PYHIN1: variants seen among roughly 807,000 people sequenced by gnomAD.
PYHIN1 encodes pyrin and HIN domain-containing protein 1.
A neutral mutation model predicts 43.7 loss-of-function variants in PYHIN1; 32 were observed. The ratio of observed to expected loss-of-function variants is 0.73; its 90% confidence interval spans 0.55 to 0.98. The LOEUF is 0.98. Among genes scored for constraint, PYHIN1 ranks in the 50% least tolerant of loss-of-function variants. The pLI, the probability that PYHIN1 is intolerant of heterozygous loss-of-function variation, is 0.00. For synonymous variants in PYHIN1, 205 were observed against 203.1 expected, an observed-to-expected ratio of 1.01 and a Z score of -0.08; for missense variants, 588 against 589.5, an observed-to-expected ratio of 1.00 and a Z score of 0.03.
chr1:158,988,278 A>T, the PYHIN1 span, among the ~76,000 whole-genome samples: 1 of 152,188 alleles, frequency 6.6e-6, no homozygotes, highest in East Asian at 1.9e-4. Context: ...TTGGAATTGG[A>T]AAATTGGTAT....
intron 1 of PYHIN1, among the ~76,000 whole-genome samples, chr1:158,936,365 C>T (rs918421501): frequency 1.2e-4 from 18 of 151,672 alleles, no homozygotes; most frequent in African/African-American, 4.1e-4. Context: ...CCAGCTTCAT[C>T]ATCCTGATAC....
Position 158,942,191 on chromosome 1 carries a change from A to C in PYHIN1, c.794A>C (p.Lys265Thr). Reference protein sequence around the residue: ...LNINLKRKFIKKRIIIISNYS... With the variant: ...LNINLKRKFITKRIIIISNYS... ...ATCAACTTGAAGAGGAAATTCATTA[A>C]AAAGAGAATCATCATTATATCAAAT... is the stretch of plus-strand genomic sequence containing the variant. Residue 265 changes from lysine (K) to threonine (T), a missense_variant, in exon 5 of 9, where the codon AAA (lysine) becomes ACA (threonine). Transcript: ENST00000368140. 1 of 1,614,032 alleles carries C rather than the reference A, an allele frequency of 6.2e-7. No individual in the cohort carries two copies. Among genetic ancestry groups the C allele is most frequent in the Non-Finnish European group, 8.5e-7 (1 of 1,179,914 alleles).
chr1:158,954,772 G>A (rs976482679), intron 7 of PYHIN1, among the ~76,000 whole-genome samples: 188 of 150,810 alleles, frequency 1.2e-3, no homozygotes, highest in Non-Finnish European at 2.3e-3. Flanking sequence ...AAATGTAAAT[G>A]GACTAAATGC....
intron 7 of PYHIN1, among the ~76,000 whole-genome samples, chr1:158,946,547 T>TTAGATAGATAGATAGA (rs4053507): frequency 2.4e-4 from 35 of 148,542 alleles, no homozygotes; most frequent in African/African-American, 2.5e-4. Context: ...AGCACAGTGA[T>TTAGATAGATAGATAGA]TAGATAGATA....
chr1:158,959,763 G>A (rs771027266), intron 7 of PYHIN1, among the ~76,000 whole-genome samples: 1 of 152,312 alleles, frequency 6.6e-6, no homozygotes, highest in Non-Finnish European at 1.5e-5. Context: ...CTGGAGTGAA[G>A]GAGTGATTTT....
intron 5 of PYHIN1, 58 bp downstream of exon 5, chr1:158,942,457 C>G: frequency 7.3e-7 from 1 of 1,360,822 alleles, no homozygotes; most frequent in East Asian, 2.3e-5. Flanking sequence ...AATTAAAAGC[C>G]CTGATGTGCT....
intron 7 of PYHIN1, among the ~76,000 whole-genome samples, chr1:158,959,707 A>T (rs1255443374): frequency 1.3e-5 from 2 of 152,178 alleles, no homozygotes; most frequent in Non-Finnish European, 2.9e-5. Flanking sequence ...TCCTTCATTT[A>T]TGAGTTTCCT....
the PYHIN1 span, among the ~76,000 whole-genome samples, chr1:158,982,760 TC>T: frequency 0.019 from 2,957 of 152,322 alleles, 53 homozygotes; most frequent in Non-Finnish European, 0.029. Context: ...TATTGATTCT[TC>T]CTATCCATGA....
the PYHIN1 span, among the ~76,000 whole-genome samples, chr1:158,988,311 A>C: frequency 6.6e-6 from 1 of 152,176 alleles, no homozygotes; most frequent in Admixed American, 6.6e-5. Context: ...TGAGGTATAT[A>C]ATATAATGAG....
At chr1:158,974,976 G>T (rs1283770486) in intron 8 of PYHIN1, among the ~76,000 whole-genome samples, 2 of 152,072 alleles carry the variant, frequency 1.3e-5, no homozygotes, top group African/African-American at 2.4e-5. Context: ...GTTTGCCTAG[G>T]TTCTACCATT....
chr1:158,977,215 G>T (rs2793856), downstream of PYHIN1, among the ~76,000 whole-genome samples: 133,106 of 151,816 alleles, frequency 0.88, 59,839 homozygotes, highest in Middle Eastern at 0.98. Flanking sequence ...CCTGCCCAAA[G>T]AATCCAGACC....
At chr1:158,972,082 A>G (rs977350252) in intron 7 of PYHIN1, among the ~76,000 whole-genome samples, 1 of 152,068 alleles carries the variant, frequency 6.6e-6, no homozygotes, top group African/African-American at 2.4e-5. Flanking sequence ...TTAATCAGAA[A>G]AGTCGATCTT....
chr1:158,947,514 C>G (rs1363021271), intron 7 of PYHIN1, among the ~76,000 whole-genome samples: 1 of 152,200 alleles, frequency 6.6e-6, no homozygotes, highest in East Asian at 1.9e-4. Context: ...ACCCACCTCT[C>G]CAGCCTAAAT....
chr1:158,979,063 A>G (rs974726054), downstream of PYHIN1, among the ~76,000 whole-genome samples: 3 of 152,172 alleles, frequency 2.0e-5, no homozygotes, highest in Admixed American at 6.5e-5. Context: ...GTATTAGCAA[A>G]TGATTATGAT....
At chr1:158,976,648 T>A in intron 8 of PYHIN1, 53 bp from the exon 9 acceptor site, 1 of 1,421,368 alleles carries the variant, frequency 7.0e-7, no homozygotes, top group Non-Finnish European at 9.7e-7. Flanking sequence ...AAGAAAGAAA[T>A]GTATGACTCC....
intron 7 of PYHIN1, among the ~76,000 whole-genome samples, chr1:158,956,135 C>T (rs1341166045): frequency 7.1e-6 from 1 of 140,436 alleles, no homozygotes; most frequent in South Asian, 2.3e-4. Flanking sequence ...AAAAAGAGTC[C>T]AGGACCAGAT....
chr1:158,937,526 A>T (rs1440035945), intron 2 of PYHIN1, among the ~76,000 whole-genome samples: 1 of 152,242 alleles, frequency 6.6e-6, no homozygotes, highest in African/African-American at 2.4e-5. Context: ...TAATGTGTTC[A>T]TTCTATTGAG....
the PYHIN1 span, among the ~76,000 whole-genome samples, chr1:158,986,934 C>T: frequency 1.3e-5 from 2 of 152,282 alleles, no homozygotes; most frequent in South Asian, 2.1e-4. Flanking sequence ...CACTCTACAC[C>T]TATTTCATGC....
intron 7 of PYHIN1, among the ~76,000 whole-genome samples, chr1:158,965,253 G>A (rs77789497): frequency 0.04 from 6,081 of 152,082 alleles, 402 homozygotes; most frequent in African/African-American, 0.14. Context: ...AGTTCTCAGA[G>A]ACCCACAAAG....
Sources: gnomAD v4.1 joint callset for allele counts (sites outside exome capture counted in the v4.1 genomes callset) on GRCh38, gnomAD v4.1.1 for gene constraint, MANE v1.5 for transcripts, NCBI Gene and HGNC (gene_info 2026-07-23, HGNC 2026-07-21) for gene names.